Variants in CDC73 observed in about 807,000 individuals in gnomAD.
CDC73 encodes cell division cycle 73, also known as parafibromin.
Under a neutral mutation model 83.7 loss-of-function variants are expected in CDC73, and 21 were observed. The ratio of observed to expected loss-of-function variants is 0.25; its 90% CI spans 0.18 to 0.36. CDC73 has a LOEUF of 0.36. Among genes scored for constraint, CDC73 ranks in the 10% least tolerant of loss-of-function variants. The pLI is 1.00. For synonymous variants in CDC73, 224 were observed against 212.9 expected (o/e 1.05, Z -0.45); for missense variants, 342 against 653.3 (o/e 0.52, Z 5.19).
At chr1:193,134,893 T>TGG (rs1040346057) in intron 3 of CDC73, among the ~76,000 whole-genome samples, 1 of 152,182 alleles carries the variant, frequency 6.6e-6, no homozygotes, top group African/African-American at 2.4e-5. Context: ...ACTAGGTGAA[T>TGG]GGGGACAGGT....
At chr1:193,245,163 C>T (rs1014379101) in intron 15 of CDC73, among the ~76,000 whole-genome samples, 3 of 152,142 alleles carry the variant, frequency 2.0e-5, no homozygotes, top group African/African-American at 4.8e-5. Flanking sequence ...CAGTTTCCTC[C>T]TTCTAGCTAT....
chr1:193,253,488 T>A lies in CDC73; in HGVS notation c.*2776T>A, dbSNP rs1381280618. The A allele has an allele frequency of 4.3e-6, 1 of 232,482 alleles. No homozygotes were observed. Among genetic ancestry groups the A allele is most frequent in the Non-Finnish European group, 8.5e-6 (1 of 117,578 alleles). 14.4% of individuals were successfully genotyped at this position (232,482 alleles called of 1,614,324 possible). A position where few individuals can be genotyped will look rare whatever the true frequency, so the allele number is the denominator to read the frequency against. On this transcript the variant is annotated 3_prime_UTR_variant, in exon 17 of 17. Coordinates refer to ENST00000367435, the MANE Select transcript of CDC73 (RefSeq NM_024529.5). ...TGGTGGTATTGGCCTATATTCCCAT[T>A]GACAAATGCAATTTTTAATTATTTA...
intron 10 of CDC73, among the ~76,000 whole-genome samples, chr1:193,190,840 G>C (rs971577589): frequency 6.6e-6 from 1 of 152,170 alleles, no homozygotes; most frequent in South Asian, 2.1e-4. Flanking sequence ...GGTTCTCAAG[G>C]GGGCAGTGGT....
In CDC73 at chr1:193,152,395, A is replaced by G. The variant is rs376649069; in HGVS notation, c.923A>G (p.Lys308Arg). Reference sequence around the variant, plus strand: ...TTTTTCGTAGAAACGGAAGGCTTCAAAATTGACACTATGGGAACCTACCAT... The same window carrying G: ...TTTTTCGTAGAAACGGAAGGCTTCAGAATTGACACTATGGGAACCTACCAT... ...FKGKEETEGF[K>R]IDTMGTYHGM... Residue 308 changes from lysine to arginine, a missense_variant, in exon 10 of 17, where the codon AAA becomes AGA. By Grantham distance (26) the Lys-to-Arg change is conservative (BLOSUM62 2). This residue lies in a region of CDC73 where 239 missense variants were observed against 420.6 expected (regional missense o/e 0.57). Coordinates refer to ENST00000367435, the MANE Select transcript of CDC73 (RefSeq NM_024529.5). 6.2e-7 allele frequency: 1 copy of G among 1,611,200 alleles called. No homozygotes were observed. The highest frequency in any genetic ancestry group is 8.5e-7 in the Non-Finnish European group (1 of 1,177,532).
At chr1:193,180,461 G>A (rs201042990) in intron 10 of CDC73, 6 of 1,614,012 alleles carry the variant, frequency 3.7e-6, no homozygotes, top group Non-Finnish European at 4.2e-6. Context: ...TAAGAGACTC[G>A]CCAGTGATTG....
At chr1:193,172,653 C>T (rs1015549333) in intron 10 of CDC73, among the ~76,000 whole-genome samples, 8 of 152,116 alleles carry the variant, frequency 5.3e-5, no homozygotes, top group Non-Finnish European at 1.2e-4. Flanking sequence ...ATCACTCTTC[C>T]ATTCAGACGT....
At chr1:193,158,507 A>AT (rs1372998163) in intron 10 of CDC73, among the ~76,000 whole-genome samples, 3 of 151,924 alleles carry the variant, frequency 2.0e-5, no homozygotes, top group Non-Finnish European at 4.4e-5. Flanking sequence ...AAAAATAAAA[A>AT]AAAAAATTAA....
At chr1:193,237,282 G>C (rs1447433398) in intron 15 of CDC73, among the ~76,000 whole-genome samples, 1 of 151,882 alleles carries the variant, frequency 6.6e-6, no homozygotes, top group African/African-American at 2.4e-5. Context: ...AAATACCCAA[G>C]CTTGAAAGTT....
chr1:193,226,557 TC>T (rs887385076), intron 13 of CDC73, among the ~76,000 whole-genome samples: 1 of 152,246 alleles, frequency 6.6e-6, no homozygotes, highest in Non-Finnish European at 1.5e-5. Context: ...AGATGCTTTT[TC>T]TACATCTATT....
chr1:193,135,603 AT>A lies in CDC73; in HGVS notation c.423+18del. On this transcript the variant is annotated intron_variant, in intron 5 of 16. Transcript: ENST00000367435. Reference sequence around the variant, plus strand: ...CCACGAATTGAGGTAAAGAAACTGTATTTTAAACAATTTTATTTATATTGTT... The same window carrying A: ...CCACGAATTGAGGTAAAGAAACTGTATTTAAACAATTTTATTTATATTGTT... 6.4e-7 allele frequency: 1 copy of A among 1,556,824 alleles called. No homozygotes were observed. Among genetic ancestry groups the A allele is most frequent in the South Asian group, 1.1e-5 (1 of 88,636 alleles).
At chr1:193,236,575 A>C (rs552398163) in intron 15 of CDC73, among the ~76,000 whole-genome samples, 1 of 152,296 alleles carries the variant, frequency 6.6e-6, no homozygotes, top group East Asian at 1.9e-4. Context: ...CCTATCCCAC[A>C]ACATTACTAA....
At chr1:193,209,878 C>T (rs1040028903) in intron 11 of CDC73, among the ~76,000 whole-genome samples, 2 of 152,164 alleles carry the variant, frequency 1.3e-5, no homozygotes, top group East Asian at 3.9e-4. Context: ...CTCTTCCTCT[C>T]CCCCCTCTCT....
At chr1:193,152,299 A>G (rs559395397) in intron 9 of CDC73, 81 bp from the exon 10 acceptor site, 8 of 854,568 alleles carry the variant, frequency 9.4e-6, no homozygotes, top group Admixed American at 5.6e-5. Flanking sequence ...CATTCAATGT[A>G]GATTATTACT....
In CDC73 at chr1:193,251,212, C is replaced by T. The variant is rs1430674911; in HGVS notation, c.*500C>T. 4 of 232,236 alleles carry T rather than the reference C, an allele frequency of 1.7e-5. No homozygotes were observed. The highest frequency in any genetic ancestry group is 2.6e-5 in the Non-Finnish European group (3 of 117,262). The allele number at this position is 232,236 out of a possible 1,614,324, so 14.4% of individuals were successfully genotyped here. A position where few individuals can be genotyped will look rare whatever the true frequency, so the allele number is the denominator to read the frequency against. The stretch of plus-strand genomic sequence containing the variant: ...TATGTACACTATATCTACACTTACT[C>T]ATTATTTAAAAAGAATAATGAAAAA... On this transcript the variant is annotated 3_prime_UTR_variant, in exon 17 of 17. Coordinates refer to ENST00000367435, the MANE Select transcript of CDC73 (RefSeq NM_024529.5).
chr1:193,153,903 C>T (rs1676162473), intron 10 of CDC73, among the ~76,000 whole-genome samples: 1 of 152,100 alleles, frequency 6.6e-6, no homozygotes, highest in Admixed American at 6.5e-5. Context: ...GGATAGCATT[C>T]CTCTACGTCA....
At chr1:193,181,112 G>A in intron 10 of CDC73, 4 of 1,613,994 alleles carry the variant, frequency 2.5e-6, no homozygotes, top group Non-Finnish European at 2.5e-6. Flanking sequence ...ATTAAAAAAG[G>A]ACTTTTCTCT....
chr1:193,212,294 G>A, intron 12 of CDC73, 96 bp from the exon 13 acceptor site: 1 of 932,024 alleles, frequency 1.1e-6, no homozygotes, highest in South Asian at 1.7e-5. Flanking sequence ...TAGATCAAAA[G>A]TTAAAGTTAC....
chr1:193,134,544 G>T (rs914409879), intron 3 of CDC73, among the ~76,000 whole-genome samples: 19 of 152,132 alleles, frequency 1.2e-4, no homozygotes, highest in African/African-American at 4.6e-4. Flanking sequence ...GGTGGCATGT[G>T]CCTGTAGTCC....
At chr1:193,230,728 A>C (rs1335843917) in intron 13 of CDC73, among the ~76,000 whole-genome samples, 5 of 152,086 alleles carry the variant, frequency 3.3e-5, no homozygotes, top group Non-Finnish European at 5.9e-5. Flanking sequence ...TGTAGCTCAC[A>C]ATCATTGTGT....
Sources: gnomAD v4.1 joint callset for allele counts (sites outside exome capture counted in the v4.1 genomes callset) on GRCh38, gnomAD v4.1.1 for gene constraint, gnomAD v4.1.1 regional missense constraint, MANE v1.5 for transcripts, NCBI Gene and HGNC (gene_info 2026-07-23, HGNC 2026-07-21) for gene names.